The following ANTXR2 variants were observed in gnomAD, a reference collection of about 807,000 sequenced individuals.
ANTXR2 encodes the protein anthrax toxin receptor 2.
Under a neutral mutation model 73.7 loss-of-function variants are expected in ANTXR2, and 44 were observed. The ratio of observed to expected loss-of-function variants is 0.60; its 90% confidence interval spans 0.47 to 0.77. The LOEUF (loss-of-function observed/expected upper bound fraction) is 0.77. Among genes scored for constraint, ANTXR2 ranks in the 30% least tolerant of loss-of-function variants. The pLI is 0.00. For synonymous variants in ANTXR2, 217 were observed against 205.9 expected, an observed-to-expected ratio of 1.05 and a Z score of -0.46; for missense variants, 604 against 592.5, an observed-to-expected ratio of 1.02 and a Z score of -0.20.
At chr4:80,021,149 CAAAAAAAAA>C (rs35390197) in intron 10 of ANTXR2, among the ~76,000 whole-genome samples, 2 of 60,640 alleles carry the variant, frequency 3.3e-5, no homozygotes, top group African/African-American at 7.2e-5. Context: ...GACTCCATCT[CAAAAAAAAA>C]AAAAAAAAAA....
chr4:80,064,925 C>T (rs1472414370), intron 3 of ANTXR2, among the ~76,000 whole-genome samples: 2 of 152,126 alleles, frequency 1.3e-5, no homozygotes, highest in Non-Finnish European at 2.9e-5. Context: ...AGTGGAATAT[C>T]GGCTTTAACT....
chr4:80,032,344 A>G (rs1732734343), intron 9 of ANTXR2, among the ~76,000 whole-genome samples: 1 of 151,880 alleles, frequency 6.6e-6, no homozygotes, highest in South Asian at 2.1e-4. Flanking sequence ...AATGAACTCA[A>G]ATATGTAATC....
At chr4:79,931,601 T>C (rs1336795734) in intron 16 of ANTXR2, among the ~76,000 whole-genome samples, 1 of 152,050 alleles carries the variant, frequency 6.6e-6, no homozygotes, top group Non-Finnish European at 1.5e-5. Context: ...AAATGTAATC[T>C]AGTAAAAGAA....
At chr4:79,976,793 T>C (rs1729653932) in intron 16 of ANTXR2, among the ~76,000 whole-genome samples, 1 of 152,210 alleles carries the variant, frequency 6.6e-6, no homozygotes, top group East Asian at 1.9e-4. Flanking sequence ...GGAGCCTTCC[T>C]GCCCTGCATC....
chr4:79,917,698 C>T (rs1727410800), intron 16 of ANTXR2, among the ~76,000 whole-genome samples: 1 of 152,054 alleles, frequency 6.6e-6, no homozygotes, highest in African/African-American at 2.4e-5. Flanking sequence ...AAGAGTAAAA[C>T]TTAACTACAG....
chr4:80,012,910 C>T (rs564796738), intron 11 of ANTXR2, among the ~76,000 whole-genome samples: 90 of 152,316 alleles, frequency 5.9e-4, no homozygotes, highest in African/African-American at 2.1e-3. Flanking sequence ...GTTTTCTCAT[C>T]TGCAAAATTA....
chr4:80,024,156 T>G (rs1732306605), intron 10 of ANTXR2, among the ~76,000 whole-genome samples: 1 of 152,106 alleles, frequency 6.6e-6, no homozygotes, highest in Admixed American at 6.6e-5. Flanking sequence ...TTATTGGATG[T>G]AGGAGGTGAG....
intron 11 of ANTXR2, among the ~76,000 whole-genome samples, chr4:80,013,350 A>G (rs934069282): frequency 2.2e-4 from 34 of 152,344 alleles, no homozygotes; most frequent in Middle Eastern, 3.4e-3. Flanking sequence ...AGCACAGCAC[A>G]AGCCCTGCCG....
At chr4:80,057,017 A>G (rs1018782609) in intron 3 of ANTXR2, among the ~76,000 whole-genome samples, 2 of 151,948 alleles carry the variant, frequency 1.3e-5, no homozygotes, top group Non-Finnish European at 2.9e-5. Context: ...TTGTTTTCAG[A>G]CTTTTTCAAT....
chr4:80,021,930 T>C (rs1313657223), intron 10 of ANTXR2, among the ~76,000 whole-genome samples: 1 of 152,220 alleles, frequency 6.6e-6, no homozygotes, highest in East Asian at 1.9e-4. Flanking sequence ...CAGGCAATTG[T>C]TGATTTCTTA....
chr4:79,955,772 A>G (rs981033250), intron 16 of ANTXR2, among the ~76,000 whole-genome samples: 1 of 152,220 alleles, frequency 6.6e-6, no homozygotes, highest in Non-Finnish European at 1.5e-5. Context: ...TGAAGCTGAT[A>G]AATGACAGTA....
intron 16 of ANTXR2, among the ~76,000 whole-genome samples, chr4:79,925,689 T>C (rs1202168992): frequency 6.6e-6 from 1 of 152,126 alleles, no homozygotes; most frequent in African/African-American, 2.4e-5. Context: ...TCACATCTTA[T>C]TGAGTGACAT....
intron 7 of ANTXR2, among the ~76,000 whole-genome samples, chr4:80,052,384 A>G (rs1201770320): frequency 6.6e-6 from 1 of 151,694 alleles, no homozygotes; most frequent in Non-Finnish European, 1.5e-5. Flanking sequence ...GCCCTTGAAA[A>G]TACATGAAAG....
intron 16 of ANTXR2, among the ~76,000 whole-genome samples, chr4:79,959,416 T>C (rs1244003057): frequency 6.6e-6 from 1 of 152,128 alleles, no homozygotes; most frequent in Non-Finnish European, 1.5e-5. Context: ...CTCTTATGAA[T>C]CACTAGGATC....
At position 79,977,987 on chromosome 4, in the gene ANTXR2, C is replaced by A; in HGVS notation, c.1347+20G>T. 1 of 1,557,892 alleles carries A rather than the reference C, an allele frequency of 6.4e-7. No homozygotes were observed. Among genetic ancestry groups the A allele is most frequent in the South Asian group, 1.2e-5 (1 of 81,960 alleles). ...TCTCCAGAAGTTTTGAGTTAAATTA[C>A]ACAAAATCTGGACACATACCTTAAT... On this transcript the variant is annotated intron_variant, in intron 15 of 16. Transcript: ENST00000403729.
At chr4:80,031,539 A>C (rs1421175400) in intron 10 of ANTXR2, 84 bp downstream of exon 10, 6 of 1,095,444 alleles carry the variant, frequency 5.5e-6, no homozygotes, top group Non-Finnish European at 7.6e-6. Context: ...AAAAGATAGA[A>C]TAAAATGACC....
intron 16 of ANTXR2, among the ~76,000 whole-genome samples, chr4:79,952,463 C>T (rs78054636): frequency 0.11 from 16,075 of 151,444 alleles, 1,057 homozygotes; most frequent in Middle Eastern, 0.18. Flanking sequence ...GCTCATTTTC[C>T]TTTGTCTAAT....
chr4:79,979,614 AGT>A (rs1043629583), intron 14 of ANTXR2, among the ~76,000 whole-genome samples: 11 of 152,168 alleles, frequency 7.2e-5, no homozygotes, highest in Admixed American at 7.2e-4. Context: ...TATATCTTTC[AGT>A]GTGATCAATG....
chr4:79,943,565 TC>T (rs1289914862), intron 16 of ANTXR2, among the ~76,000 whole-genome samples: 1 of 80,466 alleles, frequency 1.2e-5, no homozygotes, highest in Non-Finnish European at 2.4e-5. Flanking sequence ...AAGGGGAATA[TC>T]ACACTCTGGG....
Sources: allele counts gnomAD v4.1 joint callset (sites outside exome capture counted in the v4.1 genomes callset), GRCh38; gene constraint gnomAD v4.1.1; transcripts MANE v1.5; gene names NCBI Gene and HGNC (gene_info 2026-07-23, HGNC 2026-07-21).